The following CSMD2 variants were observed in gnomAD, a reference collection of about 807,000 sequenced individuals.
CSMD2 encodes the protein CUB and sushi domain-containing protein 2.
CSMD2 carries 130 observed loss-of-function variants against 398.5 expected under a neutral mutation model. That is an observed-to-expected ratio of 0.33 (90% CI 0.28 to 0.38). The LOEUF (loss-of-function observed/expected upper bound fraction) is 0.38, where lower values mean the gene tolerates loss of function less well. Among genes scored for constraint, CSMD2 ranks in the 10% least tolerant of loss-of-function variants. The pLI, the probability that CSMD2 is intolerant of heterozygous loss-of-function variation, is 1.00. For synonymous variants in CSMD2, 1,828 were observed against 1,908.5 expected, an observed-to-expected ratio of 0.96 and a Z score of 1.10; for missense variants, 3,829 against 4,764.9, an observed-to-expected ratio of 0.80 and a Z score of 5.78.
chr1:33,830,539 G>A (rs1217702999), intron 6 of CSMD2, among the ~76,000 whole-genome samples: 1 of 152,112 alleles, frequency 6.6e-6, no homozygotes, highest in Admixed American at 6.5e-5. Flanking sequence ...ACCAAAAGTA[G>A]ATAAAACCAC....
chr1:33,556,140 A>G (rs1657947587), intron 55 of CSMD2, among the ~76,000 whole-genome samples: 1 of 152,192 alleles, frequency 6.6e-6, no homozygotes, highest in Admixed American at 6.5e-5. Flanking sequence ...TGGGACAAAA[A>G]GTTAATATGG....
chr1:34,032,630 C>G lies in CSMD2; in HGVS notation c.481G>C (p.Ala161Pro). The change falls in exon 3 of 71, where the codon GCA (alanine) becomes CCA (proline). Residue 161 changes from alanine (A) to proline (P), a missense_variant. Coordinates refer to ENST00000373381, the MANE Select transcript of CSMD2 (RefSeq NM_001281956.2). ...TLSLRLISDY[A>P]VSAQGFHATY... The stretch of plus-strand genomic sequence containing the variant: ...GCGTGGAAGCCTTGGGCACTGACTG[C>G]ATAGTCGCTGATGAGGCGCAGAGAG... 1 of 1,601,016 alleles carries G rather than the reference C, an allele frequency of 6.2e-7. No homozygotes were observed. The highest frequency in any genetic ancestry group is 8.5e-7 in the Non-Finnish European group (1 of 1,174,016).
intron 25 of CSMD2, among the ~76,000 whole-genome samples, chr1:33,670,715 G>C (rs778374824): frequency 6.6e-6 from 1 of 152,184 alleles, no homozygotes; most frequent in Non-Finnish European, 1.5e-5. Flanking sequence ...CAGTGATACT[G>C]ATAGTCATAC....
At chr1:33,694,412 C>T (rs1341423638) in intron 24 of CSMD2, among the ~76,000 whole-genome samples, 1 of 152,116 alleles carries the variant, frequency 6.6e-6, no homozygotes, top group Non-Finnish European at 1.5e-5. Flanking sequence ...GAATTGTAAT[C>T]CCCAGATATT....
intron 46 of CSMD2, among the ~76,000 whole-genome samples, chr1:33,585,018 A>G (rs530292439): frequency 6.6e-6 from 1 of 152,274 alleles, no homozygotes; most frequent in East Asian, 1.9e-4. Context: ...GCATCACAGC[A>G]TGAAAGCAAT....
At chr1:33,608,501 T>C (rs1640782070) in intron 41 of CSMD2, among the ~76,000 whole-genome samples, 2 of 152,208 alleles carry the variant, frequency 1.3e-5, no homozygotes, top group Non-Finnish European at 2.9e-5. Flanking sequence ...ATTCATATGC[T>C]GAAGACTTCA....
intron 46 of CSMD2, 107 bp downstream of exon 46, chr1:33,586,397 T>C (rs754156329): frequency 2.9e-6 from 2 of 690,310 alleles, no homozygotes; most frequent in African/African-American, 1.8e-5. Context: ...TTTCATGTTA[T>C]GGGGCAGTGA....
chr1:33,565,592 T>A (rs1309042207), intron 53 of CSMD2, among the ~76,000 whole-genome samples: 1 of 151,880 alleles, frequency 6.6e-6, no homozygotes, highest in African/African-American at 2.4e-5. Flanking sequence ...ACTAAAGCCA[T>A]AAAATGAATA....
chr1:33,582,584 C>G (rs752523381), intron 47 of CSMD2, among the ~76,000 whole-genome samples: 1 of 152,220 alleles, frequency 6.6e-6, no homozygotes, highest in African/African-American at 2.4e-5. Flanking sequence ...AGACCTACTA[C>G]TGTTTACTCA....
chr1:34,146,273 C>G (rs879734409), intron 1 of CSMD2, among the ~76,000 whole-genome samples: 2 of 152,184 alleles, frequency 1.3e-5, no homozygotes, highest in Non-Finnish European at 2.9e-5. Context: ...TTCCCTTTGA[C>G]CATTATTCTA....
At chr1:34,154,596 T>C (rs985006534) in intron 1 of CSMD2, among the ~76,000 whole-genome samples, 33 of 152,138 alleles carry the variant, frequency 2.2e-4, no homozygotes, top group African/African-American at 8.0e-4. Context: ...ATGAGCATGG[T>C]GAGATATGCA....
rs138029075 is a variant in CSMD2, at chr1:33,598,436, G to A, written c.6856+2429C>T. On this transcript the variant is annotated intron_variant, in intron 44 of 70. Coordinates refer to ENST00000373381, the MANE Select transcript of CSMD2 (RefSeq NM_001281956.2). ...AGTGAAGCCTTGGGCTCTGGTCTGAGCTGGGACTGAATGGCTGTCTTAATC... is the reference window on the plus strand; with the variant it reads ...AGTGAAGCCTTGGGCTCTGGTCTGAACTGGGACTGAATGGCTGTCTTAATC... Among the ~76,000 whole-genome samples, 210 of 152,258 alleles carry A rather than the reference G, an allele frequency of 1.4e-3. 1 individual carries two copies. Among genetic ancestry groups the A allele is most frequent in the African/African-American group, 5.0e-3 (208 of 41,546 alleles).
chr1:34,065,869 T>A (rs1164811918), intron 2 of CSMD2, among the ~76,000 whole-genome samples: 1 of 152,110 alleles, frequency 6.6e-6, no homozygotes, highest in Admixed American at 6.5e-5. Flanking sequence ...AAATTTTAGT[T>A]CAATGTGTGT....
chr1:33,615,064 T>G (rs1641297092), intron 39 of CSMD2, among the ~76,000 whole-genome samples: 1 of 152,224 alleles, frequency 6.6e-6, no homozygotes, highest in African/African-American at 2.4e-5. Context: ...CCCCACTCTG[T>G]GCCCGGCACC....
At position 34,065,344 on chromosome 1, in the gene CSMD2, G is replaced by A. The variant is rs757578127; in HGVS notation, c.404+23633C>T. On this transcript the variant is annotated intron_variant, in intron 2 of 70. Coordinates refer to ENST00000373381, the MANE Select transcript of CSMD2 (RefSeq NM_001281956.2). ...GTTGGGTATGCACAGAATTCATTAT[G>A]CCAAACTGCAGACTCCATCAGGCAT... is the stretch of plus-strand genomic sequence containing the variant. 5.5e-4 allele frequency among the ~76,000 whole-genome samples: 84 copies of A among 152,322 alleles called. 1 individual carries two copies. Among genetic ancestry groups the A allele is most frequent in the Non-Finnish European group, 4.0e-4 (27 of 68,034 alleles).
chr1:33,642,093 G>A (rs1274180270), intron 29 of CSMD2, among the ~76,000 whole-genome samples: 1 of 151,990 alleles, frequency 6.6e-6, no homozygotes, highest in African/African-American at 2.4e-5. Flanking sequence ...CTCACACCCT[G>A]TATCACACTT....
intron 41 of CSMD2, chr1:33,606,046 G>A: frequency 6.4e-7 from 1 of 1,562,544 alleles, no homozygotes; most frequent in Middle Eastern, 1.8e-4. Flanking sequence ...ACGTGTGGCT[G>A]TCACAAAGCA....
intron 24 of CSMD2, among the ~76,000 whole-genome samples, chr1:33,694,032 C>A (rs1367993742): frequency 1.3e-5 from 2 of 152,028 alleles, no homozygotes; most frequent in African/African-American, 4.8e-5. Context: ...GCACTCCAGC[C>A]TGGGCAACAA....
intron 3 of CSMD2, among the ~76,000 whole-genome samples, chr1:33,946,238 T>C (rs983180545): frequency 1.3e-5 from 2 of 152,196 alleles, no homozygotes; most frequent in Admixed American, 6.5e-5. Context: ...TAATGCCTAA[T>C]AAACTCTGAA....
Sources: gnomAD v4.1 joint callset for allele counts (sites outside exome capture counted in the v4.1 genomes callset) on GRCh38, gnomAD v4.1.1 for gene constraint, MANE v1.5 for transcripts, NCBI Gene and HGNC (gene_info 2026-07-23, HGNC 2026-07-21) for gene names.